The following ZDHHC24 variants were observed in gnomAD, a reference collection of about 807,000 sequenced individuals.
ZDHHC24 encodes probable palmitoyltransferase ZDHHC24.
A neutral mutation model predicts 23.2 loss-of-function variants in ZDHHC24; 17 were observed. The observed-to-expected ratio is 0.73, with a 90% CI of 0.50 to 1.10. The LOEUF (loss-of-function observed/expected upper bound fraction) is 1.10, where lower values mean the gene tolerates loss of function less well. ZDHHC24 is among the 50% of genes least tolerant of loss of function. ZDHHC24 has a pLI of 0.00. For synonymous variants in ZDHHC24, 186 were observed against 194.5 expected (o/e 0.96, Z 0.36); for missense variants, 366 against 393.0 (o/e 0.93, Z 0.58).
downstream of ZDHHC24, among the ~76,000 whole-genome samples, chr11:66,534,006 TAAAAATAC>T (rs1856880886): frequency 6.6e-6 from 1 of 151,372 alleles, no homozygotes; most frequent in Non-Finnish European, 1.5e-5. Context: ...CTGTCTCTAC[TAAAAATAC>T]AAAAATTAGC....
intron 2 of ZDHHC24, chr11:66,529,545 C>T: frequency 1.4e-6 from 1 of 707,840 alleles, no homozygotes; most frequent in Non-Finnish European, 2.5e-6. Context: ...CAGGAGAACA[C>T]CAGCCTCTAG....
rs1417786271 is a variant in ZDHHC24, at chr11:66,526,770, C to T, written c.*21+166G>A. ...ATGTGCCCCGAAAGACCCGGCTTTA[C>T]GTGGATCAGACACTGCGAGAGCGGG... On this transcript the variant is annotated intron_variant, in intron 4 of 4. Transcript: ENST00000526986. The T allele has an allele frequency of 3.1e-6, 5 of 1,614,198 alleles. No homozygotes were observed. In the South Asian group the frequency reaches 3.3e-5, roughly 11 times the overall value.
Position 66,545,322 on chromosome 11 carries a change from A to C in ZDHHC24, c.281+401T>G, listed in dbSNP as rs1385273413. Among the ~76,000 whole-genome samples, 1 of 152,192 alleles carries C rather than the reference A, an allele frequency of 6.6e-6. No homozygotes were observed. Among genetic ancestry groups the C allele is most frequent in the Non-Finnish European group, 1.5e-5 (1 of 68,044 alleles). ...CCAAAGTGCTGGGATTACAGATGTGAGCCAACGCACCCGGCCTAACCACCT... is the reference window on the plus strand; with the variant it reads ...CCAAAGTGCTGGGATTACAGATGTGCGCCAACGCACCCGGCCTAACCACCT... On this transcript the variant is annotated intron_variant, in intron 1 of 2. Coordinates refer to ENST00000310442, the MANE Select transcript of ZDHHC24 (RefSeq NM_207340.3). The surrounding 1 kb of genome is among the most constrained non-coding windows in gnomAD (Gnocchi z 4.5).
At chr11:66,523,041 C>T in intron 4 of ZDHHC24, 1 of 413,126 alleles carries the variant, frequency 2.4e-6, no homozygotes, top group Non-Finnish European at 4.8e-6. Context: ...AATTGAGAGG[C>T]CAGTAAACTA....
rs368802344 is a variant in ZDHHC24 at position 66,539,701 on chromosome 11, C to A, written c.683G>T (p.Trp228Leu). The part of the protein sequence containing the change: ...GMLLLRGQTT[W>L]EWARGQHSYD... Reference sequence around the variant, plus strand: ...GGAGTGCTGGCCCCGAGCCCACTCCCATGTGGTCTGGCCCCGCAGCAGCAG... The same window carrying A: ...GGAGTGCTGGCCCCGAGCCCACTCCAATGTGGTCTGGCCCCGCAGCAGCAG... Residue 228 changes from tryptophan to leucine, a missense_variant, in exon 3 of 3, where the codon TGG becomes TTG. Coordinates refer to ENST00000310442, the MANE Select transcript of ZDHHC24 (RefSeq NM_207340.3). 1 of 1,612,150 alleles carries A rather than the reference C, an allele frequency of 6.2e-7. No individual in the cohort carries two copies. The highest frequency in any genetic ancestry group is 1.7e-5 in the Admixed American group (1 of 59,898).
intron 4 of ZDHHC24, chr11:66,526,856 A>G: frequency 6.2e-7 from 1 of 1,614,074 alleles, no homozygotes; most frequent in Non-Finnish European, 8.5e-7. Context: ...CACTGCTCCT[A>G]CACAGCAAAG....
In ZDHHC24 at chr11:66,537,617, CGA is replaced by C. The variant is rs1243897339; in HGVS notation, c.*1910_*1911del. 2.1e-5 allele frequency: 3 copies of C among 144,304 alleles called. No individual in the cohort carries two copies. Among genetic ancestry groups the C allele is most frequent in the Non-Finnish European group, 3.0e-5 (2 of 66,104 alleles). 8.9% of individuals were successfully genotyped at this position (144,304 alleles called of 1,614,324 possible). On this transcript the variant is annotated 3_prime_UTR_variant, in exon 3 of 3. Transcript: ENST00000310442. ...TTGGGAGGCCAAGGCGGGCAGATCA[CGA>C]GGTCAGTAGATCAAGACCATCCTGG...
Position 66,539,547 on chromosome 11 carries a change from C to A in ZDHHC24, c.837G>T (p.Val279=). 2 of 1,582,024 alleles carry A rather than the reference C, an allele frequency of 1.3e-6. No individual in the cohort carries two copies. Among genetic ancestry groups the A allele is most frequent in the Non-Finnish European group, 1.7e-6 (2 of 1,163,264 alleles). ...CCTGGAGTCAGGAGGCTGTGTGTCC[C>A]ACATCTGCTGTGGTCTGGAAGGTGA... ...DGITFQTTAD[V]GHTAS is the part of the protein sequence containing the mutation. The change falls in exon 3 of 3, where the codon GTG becomes GTT. Residue 279 remains valine (V), a synonymous_variant. Transcript: ENST00000310442.
intron 4 of ZDHHC24, chr11:66,524,384 G>T: frequency 4.2e-6 from 1 of 238,392 alleles, no homozygotes; most frequent in Non-Finnish European, 8.4e-6. Context: ...GAGGCTTACA[G>T]TCTAAGGTAA....
intron 4 of ZDHHC24, chr11:66,523,613 A>G (rs1409050210): frequency 6.2e-7 from 1 of 1,613,622 alleles, no homozygotes; most frequent in East Asian, 2.2e-5. Context: ...CTCCACGCCT[A>G]TGTCCCTAGC....
downstream of ZDHHC24, chr11:66,531,808 G>A (rs769722104): frequency 3.1e-6 from 5 of 1,612,894 alleles, no homozygotes; most frequent in South Asian, 3.3e-5. Context: ...AAGGGTGAGT[G>A]CCAACAAAGA....
rs1239808096 is a variant in ZDHHC24 at position 66,538,460 on chromosome 11, G to A, written c.*1069C>T. Reference sequence around the variant, plus strand: ...CGGGTGTCTGTAATCCCAGCAACTCGGGAGGCCGAATCACTTGAACCCGGG... The same window carrying A: ...CGGGTGTCTGTAATCCCAGCAACTCAGGAGGCCGAATCACTTGAACCCGGG... On this transcript the variant is annotated 3_prime_UTR_variant, in exon 3 of 3. Coordinates refer to ENST00000310442, the MANE Select transcript of ZDHHC24 (RefSeq NM_207340.3). 6.6e-6 allele frequency: 1 copy of A among 151,192 alleles called. No individual in the cohort carries two copies. The highest frequency in any genetic ancestry group is 1.5e-5 in the Non-Finnish European group (1 of 67,844). 9.4% of individuals were successfully genotyped at this position (151,192 alleles called of 1,614,324 possible).
At position 66,536,887 on chromosome 11, in the gene ZDHHC24, GAGAA is replaced by G. The variant is rs1038980288; in HGVS notation, c.*2638_*2641del. ...GAAACTCTGTCTCAAAAAATAAAAA[GAGAA>G]AGAAAGAAAATAAGAAATTGTGGAG... On this transcript the variant is annotated 3_prime_UTR_variant, in exon 3 of 3. Transcript: ENST00000310442. 4 of 151,920 alleles carry G rather than the reference GAGAA, an allele frequency of 2.6e-5. No homozygotes were observed. Among genetic ancestry groups the G allele is most frequent in the South Asian group, 2.1e-4 (1 of 4,802 alleles). 9.4% of individuals were successfully genotyped at this position (151,920 alleles called of 1,614,324 possible).
chr11:66,523,663 G>C (rs905064850), intron 4 of ZDHHC24: 6 of 1,610,584 alleles, frequency 3.7e-6, no homozygotes, highest in Non-Finnish European at 5.1e-6. Flanking sequence ...CCCCACCCCA[G>C]AAACCGTTCT....
At chr11:66,523,642 T>TC in intron 4 of ZDHHC24, 1 of 1,610,968 alleles carries the variant, frequency 6.2e-7, no homozygotes, top group South Asian at 1.1e-5. Flanking sequence ...GGCAAGAGAG[T>TC]CCTCTGGCTT....
rs376386231 is a variant in ZDHHC24, at chr11:66,521,255, G to A, written c.*233C>T. 1.2e-5 allele frequency: 19 copies of A among 1,604,810 alleles called. No homozygotes were observed. The highest frequency in any genetic ancestry group is 5.4e-5 in the African/African-American group (4 of 74,752). ...GCTCCAGAGAAATTGGAGTGTTTGC[G>A]CTTCTTGTTTGCAGATGAGCCTTCC... On this transcript the variant is annotated 3_prime_UTR_variant, in exon 5 of 5. Coordinates refer to the ZDHHC24 transcript ENST00000526986.
intron 4 of ZDHHC24, chr11:66,526,528 G>C: frequency 8.0e-7 from 1 of 1,252,984 alleles, no homozygotes; most frequent in East Asian, 2.3e-5. Flanking sequence ...AAACAGTCTC[G>C]TCTGGAAGAC....
intron 3 of ZDHHC24, among the ~76,000 whole-genome samples, chr11:66,528,772 C>T (rs1781029821): frequency 6.6e-6 from 1 of 151,878 alleles, no homozygotes; most frequent in African/African-American, 2.4e-5. Flanking sequence ...AGTTCGAGAC[C>T]AGCCTGACCA....
At chr11:66,532,057 G>A, downstream of ZDHHC24, 1 of 1,587,616 alleles carries the variant, frequency 6.3e-7, no homozygotes, top group Non-Finnish European at 8.6e-7. Flanking sequence ...TGCTGTGAAA[G>A]CCCCTGCACA....
Sources: allele counts gnomAD v4.1 joint callset (sites outside exome capture counted in the v4.1 genomes callset), GRCh38; gene constraint gnomAD v4.1.1; non-coding constraint Gnocchi (gnomAD v3.1); transcripts MANE v1.5; gene names NCBI Gene and HGNC (gene_info 2026-07-23, HGNC 2026-07-21).